EVX1: variants seen among roughly 807,000 people sequenced by gnomAD.
EVX1 encodes the protein homeobox even-skipped homolog protein 1.
EVX1 carries 19 observed loss-of-function variants against 28.6 expected under a neutral mutation model. The observed-to-expected ratio is 0.67, with a 90% CI of 0.46 to 0.98. The LOEUF is 0.98. EVX1 is among the 50% of genes least tolerant of loss of function. The probability of loss-of-function intolerance (pLI) is 0.00; values close to 1 mark genes in which losing one functional copy is unlikely to be tolerated. For synonymous variants in EVX1, 324 were observed against 278.2 expected, an observed-to-expected ratio of 1.16 and a Z score of -1.64; for missense variants, 660 against 583.0, an observed-to-expected ratio of 1.13 and a Z score of -1.36.
At chr7:27,243,552 C>A in intron 1 of EVX1, 95 bp downstream of exon 1, 1 of 1,359,786 alleles carries the variant, frequency 7.4e-7, no homozygotes, top group Non-Finnish European at 9.8e-7. Flanking sequence ...TCCCCTAGGG[C>A]AGGATGGCTG....
chr7:27,242,926 C>T lies in EVX1; in HGVS notation c.-105C>T. On this transcript the variant is annotated 5_prime_UTR_variant, in exon 1 of 3. Transcript: ENST00000496902. ...GCGCCCTCCCAGGCACCCGGCCTTT[C>T]TTTCTCCCTCTTGCAACCAAGATCC... 7.7e-7 allele frequency: 1 copy of T among 1,291,706 alleles called. No individual in the cohort carries two copies. The highest frequency in any genetic ancestry group is 1.0e-6 in the Non-Finnish European group (1 of 975,156). The allele number at this position is 1,291,706 out of a possible 1,614,324, so 80.0% of individuals were successfully genotyped here.
Position 27,243,023 on chromosome 7 carries a change from G to T in EVX1, c.-8G>T, listed in dbSNP as rs1426157926. The T allele has an allele frequency of 1.3e-6, 2 of 1,568,550 alleles. No homozygotes were observed. The highest frequency in any genetic ancestry group is 8.6e-7 in the Non-Finnish European group (1 of 1,157,352). On this transcript the variant is annotated 5_prime_UTR_variant, in exon 1 of 3. Coordinates refer to ENST00000496902, the MANE Select transcript of EVX1 (RefSeq NM_001989.5). ...GGGCTTTCCCCTCCCCCACCGGAGA[G>T]CCCCGGGATGGAGAGCCGAAAGGAC...
intron 1 of EVX1, 79 bp from the exon 2 acceptor site, chr7:27,244,969 C>G: frequency 1.3e-6 from 2 of 1,541,738 alleles, no homozygotes; most frequent in Non-Finnish European, 1.7e-6. Context: ...CACCCTCCCA[C>G]CTTAGGCCTA....
At chr7:27,244,742 G>T (rs564933108) in intron 1 of EVX1, among the ~76,000 whole-genome samples, 1 of 152,360 alleles carries the variant, frequency 6.6e-6, no homozygotes, top group South Asian at 2.1e-4. Flanking sequence ...CCTGCCAACG[G>T]GAGGCAGAAA....
rs1324096652 is a variant in EVX1 at position 27,245,101 on chromosome 7, A to G, written c.481A>G (p.Lys161Glu). The change falls in exon 2 of 3, where the codon AAG (lysine) becomes GAG (glutamate). Residue 161 changes from lysine to glutamate, a missense_variant. Physicochemically the swap from Lys to Glu is moderately conservative, Grantham distance 56. Transcript: ENST00000496902. ...TCCGAACGGAGGGAGCGAGACCCCCAAGAGCAACGGCGGCAGTGGTGGGGG... is the reference window on the plus strand; with the variant it reads ...TCCGAACGGAGGGAGCGAGACCCCCGAGAGCAACGGCGGCAGTGGTGGGGG... ...GSPNGGSETP[K>E]SNGGSGGGGS... is the part of the protein sequence containing the mutation. 45 of 1,613,056 alleles carry G rather than the reference A, an allele frequency of 2.8e-5. No homozygotes were observed. In the Admixed American group the frequency reaches 7.0e-4, roughly 25 times the overall value.
chr7:27,246,755 A>C lies in EVX1; in HGVS notation c.*330A>C. On this transcript the variant is annotated 3_prime_UTR_variant, in exon 3 of 3. Coordinates refer to ENST00000496902, the MANE Select transcript of EVX1 (RefSeq NM_001989.5). ...ACAAAACTTAGCAGCAACAGCAACC[A>C]ATATCCAGTCCCTCGGCCCCTCGGC... is the stretch of plus-strand genomic sequence containing the variant. 2.6e-6 allele frequency: 1 copy of C among 381,026 alleles called. No homozygotes were observed. Among genetic ancestry groups the C allele is most frequent in the Non-Finnish European group, 4.7e-6 (1 of 212,496 alleles). The allele number at this position is 381,026 out of a possible 1,614,324, so 23.6% of individuals were successfully genotyped here.
chr7:27,245,421 G>C (rs952454422), intron 2 of EVX1, 117 bp downstream of exon 2: 4 of 1,444,176 alleles, frequency 2.8e-6, no homozygotes, highest in Non-Finnish European at 3.8e-6. Flanking sequence ...TCCCTGCCCG[G>C]CGCGTGCAGA....
chr7:27,246,321 T>C lies in EVX1; in HGVS notation c.1120T>C (p.Ser374Pro). 1 of 1,596,210 alleles carries C rather than the reference T, an allele frequency of 6.3e-7. No homozygotes were observed. Reference protein sequence around the residue: ...AAAASDFTCASTSRSDSFLTF... With the variant: ...AAAASDFTCAPTSRSDSFLTF... ...CGCCGCCTCGGACTTCACCTGTGCC[T>C]CCACCTCCCGCTCGGACTCCTTCCT... The change falls in exon 3 of 3, where the codon TCC (serine) becomes CCC (proline). Residue 374 changes from serine (S) to proline (P), a missense_variant. This residue lies in a region of EVX1 where 299 missense variants were observed against 241.3 expected (regional missense o/e 1.24). Coordinates refer to ENST00000496902, the MANE Select transcript of EVX1 (RefSeq NM_001989.5).
chr7:27,243,049 A>T lies in EVX1; in HGVS notation c.19A>T (p.Met7Leu). The T allele has an allele frequency of 6.2e-7, 1 of 1,605,566 alleles. No homozygotes were observed. The change falls in exon 1 of 3, where the codon ATG (methionine) becomes TTG (leucine). Residue 7 changes from methionine (M) to leucine (L), a missense_variant. Met to Leu is a conservative substitution (Grantham distance 15). This residue lies in a region of EVX1 where 308 missense variants were observed against 256.6 expected (regional missense o/e 1.20). Coordinates refer to ENST00000496902, the MANE Select transcript of EVX1 (RefSeq NM_001989.5). MESRKDMVVFLDGGQLG... is the reference protein window; with the variant it reads MESRKDLVVFLDGGQLG... ...CCCCGGGATGGAGAGCCGAAAGGAC[A>T]TGGTTGTGTTTCTGGATGGGGGTCA...
rs940359898 is a variant in EVX1 at position 27,246,155 on chromosome 7, G to T, written c.954G>T (p.Pro318=). 6 of 1,507,642 alleles carry T rather than the reference G, an allele frequency of 4.0e-6. No individual in the cohort carries two copies. In the South Asian group the frequency reaches 7.5e-5, roughly 19 times the overall value. The allele number at this position is 1,507,642 out of a possible 1,614,324, so 93.4% of individuals were successfully genotyped here. A position where few individuals can be genotyped will look rare whatever the true frequency, so the allele number is the denominator to read the frequency against. The change falls in exon 3 of 3, where the codon CCG becomes CCT. Residue 318 remains proline (P), a synonymous_variant. Coordinates refer to ENST00000496902, the MANE Select transcript of EVX1 (RefSeq NM_001989.5). The stretch of plus-strand genomic sequence containing the variant: ...TCCGCGTGCTGTCGCAGCCCTACCC[G>T]CGGCCCGAACTGCTGTGCGCCTTCC... The part of the protein sequence containing the change: ...DTFRVLSQPY[P]RPELLCAFRH...
chr7:27,245,716 CGG>C (rs1783153294), intron 2 of EVX1, among the ~76,000 whole-genome samples, 168 bp from the exon 3 acceptor site: 1 of 152,158 alleles, frequency 6.6e-6, no homozygotes, highest in South Asian at 2.1e-4. Context: ...AAACCTCTCT[CGG>C]AGGGATTCCA....
In EVX1 at chr7:27,243,472, C is replaced by G; in HGVS notation, c.427+15C>G. 1 of 1,557,194 alleles carries G rather than the reference C, an allele frequency of 6.4e-7. No individual in the cohort carries two copies. ...GCACAGCAAAGGTAGCCACCGTGCC[C>G]CTCCGCTCCCCGGGCCTCCCACTGC... is the stretch of plus-strand genomic sequence containing the variant. On this transcript the variant is annotated intron_variant, in intron 1 of 2. Coordinates refer to ENST00000496902, the MANE Select transcript of EVX1 (RefSeq NM_001989.5).
Position 27,246,106 on chromosome 7 carries a change from G to T in EVX1, c.905G>T (p.Gly302Val), listed in dbSNP as rs777415240. ...TCCGCCGCCGCCTCGCCCTTCAGCG[G>T]CTCGCTGCGCCCGCTCGACACGTTC... ...AASAAASPFSGSLRPLDTFRV... is the reference protein window; with the variant it reads ...AASAAASPFSVSLRPLDTFRV... Residue 302 changes from glycine to valine, a missense_variant, in exon 3 of 3, where the codon GGC becomes GTC. Coordinates refer to ENST00000496902, the MANE Select transcript of EVX1 (RefSeq NM_001989.5). The T allele has an allele frequency of 1.9e-6, 3 of 1,550,318 alleles. No homozygotes were observed.
At chr7:27,244,463 C>T (rs1019476944) in intron 1 of EVX1, 11 of 987,460 alleles carry the variant, frequency 1.1e-5, no homozygotes, top group Non-Finnish European at 1.3e-5. Flanking sequence ...CCGATTTCAC[C>T]CAGCCTCCTT....
In EVX1 at chr7:27,247,338, A is replaced by C. The variant is rs1384940508; in HGVS notation, c.*913A>C. On this transcript the variant is annotated 3_prime_UTR_variant, in exon 3 of 3. Coordinates refer to ENST00000496902, the MANE Select transcript of EVX1 (RefSeq NM_001989.5). ...CCACTGACCCCAGAGCTGAGCTGTTAACAAGGCGCCCAGGGAAGAGCTTAG... is the reference window on the plus strand; with the variant it reads ...CCACTGACCCCAGAGCTGAGCTGTTCACAAGGCGCCCAGGGAAGAGCTTAG... 1 of 152,188 alleles carries C rather than the reference A, an allele frequency of 6.6e-6. No individual in the cohort carries two copies. The highest frequency in any genetic ancestry group is 2.4e-5 in the African/African-American group (1 of 41,428). The allele number at this position is 152,188 out of a possible 1,614,324, so 9.4% of individuals were successfully genotyped here.
Position 27,243,117 on chromosome 7 carries a change from A to T in EVX1, c.87A>T (p.Glu29Asp). 1 of 1,611,066 alleles carries T rather than the reference A, an allele frequency of 6.2e-7. No individual in the cohort carries two copies. The highest frequency in any genetic ancestry group is 1.3e-5 in the African/African-American group (1 of 74,988). Residue 29 changes from glutamate to aspartate, a missense_variant, in exon 1 of 3, where the codon GAA becomes GAT. Around this residue, in one of 3 missense-constraint regions of EVX1, gnomAD observed 308 missense variants for 256.6 expected, o/e 1.20. Transcript: ENST00000496902. Reference protein sequence around the residue: ...LVGKRVSNLSEAVGSPLPEPP... With the variant: ...LVGKRVSNLSDAVGSPLPEPP... Reference sequence around the variant, plus strand: ...GCAAGAGAGTCTCAAATTTGTCCGAAGCCGTGGGCAGCCCGCTGCCGGAGC... The same window carrying T: ...GCAAGAGAGTCTCAAATTTGTCCGATGCCGTGGGCAGCCCGCTGCCGGAGC...
chr7:27,246,139 T>G lies in EVX1; in HGVS notation c.938T>G (p.Leu313Arg). The G allele has an allele frequency of 6.6e-7, 1 of 1,522,338 alleles. No individual in the cohort carries two copies. Among genetic ancestry groups the G allele is most frequent in the Non-Finnish European group, 8.7e-7 (1 of 1,144,862 alleles). 94.3% of individuals were successfully genotyped at this position (1,522,338 alleles called of 1,614,324 possible). ...SLRPLDTFRV[L>R]SQPYPRPELL... ...CGCCCGCTCGACACGTTCCGCGTGCTGTCGCAGCCCTACCCGCGGCCCGAA... is the reference window on the plus strand; with the variant it reads ...CGCCCGCTCGACACGTTCCGCGTGCGGTCGCAGCCCTACCCGCGGCCCGAA... The change falls in exon 3 of 3, where the codon CTG (leucine) becomes CGG (arginine). Residue 313 changes from leucine to arginine, a missense_variant. Coordinates refer to ENST00000496902, the MANE Select transcript of EVX1 (RefSeq NM_001989.5).
At position 27,245,170 on chromosome 7, in the gene EVX1, C is replaced by G. The variant is rs1346773004; in HGVS notation, c.550C>G (p.Arg184Gly). 1 of 1,613,454 alleles carries G rather than the reference C, an allele frequency of 6.2e-7. No homozygotes were observed. Among genetic ancestry groups the G allele is most frequent in the South Asian group, 1.1e-5 (1 of 91,086 alleles). Residue 184 changes from arginine to glycine, a missense_variant, in exon 2 of 3, where the codon CGT becomes GGT. Arg to Gly is a moderately radical substitution (Grantham distance 125, BLOSUM62 -2). Transcript: ENST00000496902. ...GGCGTGCAGCGCCAGTGACCAGATG[C>G]GTCGTTACCGCACCGCCTTCACCCG... ...TLACSASDQM[R>G]RYRTAFTREQ...
chr7:27,243,516 C>A (rs1425489224), intron 1 of EVX1, 59 bp downstream of exon 1: 14 of 1,513,816 alleles, frequency 9.2e-6, no homozygotes, highest in Non-Finnish European at 1.2e-5. Context: ...TTCACTTCGG[C>A]GCAGGCCAGG....
Sources: gnomAD v4.1 joint callset for allele counts (sites outside exome capture counted in the v4.1 genomes callset) on GRCh38, gnomAD v4.1.1 for gene constraint, gnomAD v4.1.1 regional missense constraint, MANE v1.5 for transcripts, NCBI Gene and HGNC (gene_info 2026-07-23, HGNC 2026-07-21) for gene names.